The following NCKAP5 variants were observed in gnomAD, a reference collection of about 807,000 sequenced individuals.
NCKAP5 encodes nck-associated protein 5.
NCKAP5 carries 92 observed loss-of-function variants against 167.0 expected under a neutral mutation model. That is an observed-to-expected ratio of 0.55 (90% CI 0.47 to 0.66). NCKAP5 has a LOEUF of 0.66. Among genes scored for constraint, NCKAP5 ranks in the 30% least tolerant of loss-of-function variants. The pLI, the probability that NCKAP5 is intolerant of heterozygous loss-of-function variation, is 0.00. For missense variants in NCKAP5, 2,378 were observed against 2,315.0 expected (o/e 1.03, Z -0.56); for synonymous variants, 891 against 877.4 (o/e 1.02, Z -0.27).
intron 3 of NCKAP5, among the ~76,000 whole-genome samples, chr2:133,469,272 C>G (rs1221376527): frequency 6.6e-6 from 1 of 151,810 alleles, no homozygotes; most frequent in African/African-American, 2.4e-5. Context: ...GCTTATGAAG[C>G]TTAGTTTGGC....
chr2:132,715,405 C>A (rs1400016337), intron 19 of NCKAP5, among the ~76,000 whole-genome samples: 1 of 152,152 alleles, frequency 6.6e-6, no homozygotes, highest in Non-Finnish European at 1.5e-5. Flanking sequence ...TCTCTATGTG[C>A]TTTCGAGCCA....
chr2:132,739,957 A>T (rs1679030852), intron 16 of NCKAP5, among the ~76,000 whole-genome samples: 1 of 152,178 alleles, frequency 6.6e-6, no homozygotes, highest in South Asian at 2.1e-4. Flanking sequence ...GACATTCTCA[A>T]GTAATAGTCC....
At chr2:133,251,148 A>G (rs1045027517) in intron 4 of NCKAP5, among the ~76,000 whole-genome samples, 1 of 152,216 alleles carries the variant, frequency 6.6e-6, no homozygotes, top group African/African-American at 2.4e-5. Context: ...CTGTTTACAC[A>G]GCATTTACAT....
chr2:133,461,079 C>T lies in NCKAP5; in HGVS notation c.69+56379G>A, dbSNP rs73001188. On this transcript the variant is annotated intron_variant, in intron 3 of 19. Transcript: ENST00000409261. ...TTCTTCCTGAACAAGCAACACAAAGCGCTACGTTTTACTGCAGCCAAAGGG... is the reference window on the plus strand; with the variant it reads ...TTCTTCCTGAACAAGCAACACAAAGTGCTACGTTTTACTGCAGCCAAAGGG... Among the ~76,000 whole-genome samples the T allele has an allele frequency of 6.7e-3, 1,019 of 152,112 alleles. 16 individuals carry two copies. Among genetic ancestry groups the T allele is most frequent in the African/African-American group, 0.023 (952 of 41,494 alleles).
At chr2:133,223,382 C>T (rs1446938200) in intron 4 of NCKAP5, among the ~76,000 whole-genome samples, 1 of 152,084 alleles carries the variant, frequency 6.6e-6, no homozygotes, top group Non-Finnish European at 1.5e-5. Context: ...AAGACCCATT[C>T]TCTCCCCACA....
At chr2:133,270,415 A>G (rs539249034) in intron 4 of NCKAP5, among the ~76,000 whole-genome samples, 8 of 152,362 alleles carry the variant, frequency 5.3e-5, no homozygotes, top group Admixed American at 3.9e-4. Context: ...ACCATTTTGT[A>G]TACCCATTGA....
In NCKAP5 at chr2:132,876,373, T is replaced by C. The variant is rs149028255; in HGVS notation, c.648+2475A>G. On this transcript the variant is annotated intron_variant, in intron 9 of 19. Coordinates refer to ENST00000409261, the MANE Select transcript of NCKAP5 (RefSeq NM_207363.3). Reference sequence around the variant, plus strand: ...TCAGCCTCCCAAAGTGGTAGGATTATAGATATAAGCCACTGTGCCTGTCTG... The same window carrying C: ...TCAGCCTCCCAAAGTGGTAGGATTACAGATATAAGCCACTGTGCCTGTCTG... Among the ~76,000 whole-genome samples, 211 of 152,292 alleles carry C rather than the reference T, an allele frequency of 1.4e-3. 1 individual carries two copies. The highest frequency in any genetic ancestry group is 4.8e-3 in the African/African-American group (199 of 41,556).
intron 3 of NCKAP5, among the ~76,000 whole-genome samples, chr2:133,506,421 C>A: frequency 6.6e-6 from 1 of 152,234 alleles, no homozygotes. Flanking sequence ...ACCCTTCACC[C>A]TTCCCTGCCC....
intron 8 of NCKAP5, among the ~76,000 whole-genome samples, chr2:132,899,210 T>C (rs1332906678): frequency 6.6e-6 from 1 of 152,240 alleles, no homozygotes; most frequent in African/African-American, 2.4e-5. Context: ...TGACACCTTC[T>C]TTCCCTAAAC....
At chr2:133,474,152 C>CTATCTATCTA (rs1248045615) in intron 3 of NCKAP5, among the ~76,000 whole-genome samples, 2 of 119,602 alleles carry the variant, frequency 1.7e-5, no homozygotes, top group African/African-American at 6.0e-5. Flanking sequence ...ATCTATCTAT[C>CTATCTATCTA]TATACACACA....
intron 4 of NCKAP5, among the ~76,000 whole-genome samples, chr2:133,281,476 A>G (rs1258250270): frequency 6.6e-6 from 1 of 152,224 alleles, no homozygotes; most frequent in East Asian, 1.9e-4. Context: ...AATATCAAGA[A>G]GCCTGGGCCT....
At chr2:133,513,045 C>T (rs1041760468) in intron 3 of NCKAP5, among the ~76,000 whole-genome samples, 7 of 152,196 alleles carry the variant, frequency 4.6e-5, no homozygotes, top group African/African-American at 1.7e-4. Context: ...CCCCCTGTAT[C>T]AGCCAGGGAG....
intron 5 of NCKAP5, among the ~76,000 whole-genome samples, chr2:133,177,183 T>TATATATATATAC (rs3051216): frequency 0.012 from 1,737 of 142,602 alleles, 14 homozygotes; most frequent in Non-Finnish European, 0.017. Flanking sequence ...TATATATATA[T>TATATATATATAC]ATATACTCAA....
At chr2:133,511,459 G>A (rs896625111) in intron 3 of NCKAP5, among the ~76,000 whole-genome samples, 10 of 152,202 alleles carry the variant, frequency 6.6e-5, no homozygotes, top group Non-Finnish European at 1.5e-4. Context: ...TCGGCTGGTG[G>A]ACAGATTCAC....
chr2:133,368,935 G>A (rs752614557), intron 3 of NCKAP5, among the ~76,000 whole-genome samples: 9 of 152,248 alleles, frequency 5.9e-5, no homozygotes, highest in East Asian at 1.9e-4. Flanking sequence ...AGACAGATAC[G>A]CTTTGAAAAG....
intron 3 of NCKAP5, among the ~76,000 whole-genome samples, chr2:133,470,668 A>G (rs1033736003): frequency 3.3e-5 from 5 of 152,108 alleles, no homozygotes; most frequent in African/African-American, 7.2e-5. Context: ...GCGAGACTCC[A>G]TGGGCGTAGG....
intron 4 of NCKAP5, among the ~76,000 whole-genome samples, chr2:133,229,406 A>G (rs115360726): frequency 0.024 from 3,655 of 152,298 alleles, 143 homozygotes; most frequent in African/African-American, 0.083. Flanking sequence ...CACTTCCTAA[A>G]GGATATGAGA....
chr2:133,181,603 C>CCA (rs2084737185), intron 5 of NCKAP5, among the ~76,000 whole-genome samples: 2 of 71,158 alleles, frequency 2.8e-5, no homozygotes, highest in African/African-American at 1.2e-4. Context: ...CCCATCTCTA[C>CCA]AAAAAAAAAA....
intron 12 of NCKAP5, among the ~76,000 whole-genome samples, chr2:132,794,068 T>C (rs1684293112): frequency 1.3e-5 from 2 of 151,762 alleles, no homozygotes; most frequent in Admixed American, 1.3e-4. Flanking sequence ...GGAAAATTAC[T>C]GAACCCCTCT....
Sources: allele counts gnomAD v4.1 joint callset (sites outside exome capture counted in the v4.1 genomes callset), GRCh38; gene constraint gnomAD v4.1.1; transcripts MANE v1.5; gene names NCBI Gene and HGNC (gene_info 2026-07-23, HGNC 2026-07-21).